The following GNAL variants were observed in gnomAD, a reference collection of about 807,000 sequenced individuals.
GNAL encodes guanine nucleotide-binding protein G(olf) subunit alpha.
A neutral mutation model predicts 55.1 loss-of-function variants in GNAL; 18 were observed. That is an observed-to-expected ratio of 0.33 (90% CI 0.23 to 0.48). The LOEUF is 0.48. Ranked by LOEUF, GNAL falls within the 20% of genes least tolerant of loss-of-function variation. The probability of loss-of-function intolerance (pLI) is 0.99; values close to 1 mark genes in which losing one functional copy is unlikely to be tolerated. For missense variants in GNAL, 412 were observed against 614.1 expected (o/e 0.67, Z 3.48); for synonymous variants, 253 against 237.0 (o/e 1.07, Z -0.62).
chr18:11,839,108 T>A (rs2035558020), intron 5 of GNAL, among the ~76,000 whole-genome samples: 1 of 152,216 alleles, frequency 6.6e-6, no homozygotes, highest in African/African-American at 2.4e-5. Context: ...TGACATGAAA[T>A]TATTGTGTAC....
At chr18:11,770,911 T>C (rs1262998126) in intron 4 of GNAL, among the ~76,000 whole-genome samples, 1 of 152,114 alleles carries the variant, frequency 6.6e-6, no homozygotes, top group Non-Finnish European at 1.5e-5. Context: ...CTTGAAAGAA[T>C]TAAGCCAATA....
chr18:11,805,474 C>T (rs1056333404), intron 4 of GNAL, among the ~76,000 whole-genome samples: 1 of 151,984 alleles, frequency 6.6e-6, no homozygotes, highest in African/African-American at 2.4e-5. Flanking sequence ...GTACGTTGTA[C>T]CCATTAAGTA....
intron 4 of GNAL, among the ~76,000 whole-genome samples, chr18:11,801,494 A>G (rs949443909): frequency 3.3e-5 from 5 of 152,168 alleles, no homozygotes; most frequent in African/African-American, 2.4e-5. Context: ...CGGACCTTAC[A>G]GGTCATTGTA....
intron 1 of GNAL, among the ~76,000 whole-genome samples, chr18:11,714,531 G>A (rs2031909093): frequency 6.6e-6 from 1 of 152,204 alleles, no homozygotes; most frequent in South Asian, 2.1e-4. Flanking sequence ...AGTAAATGTA[G>A]AGTAGAGGAA....
intron 11 of GNAL, among the ~76,000 whole-genome samples, chr18:11,878,379 A>C (rs1250477219): frequency 6.6e-6 from 1 of 152,112 alleles, no homozygotes; most frequent in Non-Finnish European, 1.5e-5. Context: ...TGAGCCTAGG[A>C]ATTTGAGGTG....
At chr18:11,807,666 G>A (rs1004816728) in intron 4 of GNAL, among the ~76,000 whole-genome samples, 5 of 152,134 alleles carry the variant, frequency 3.3e-5, no homozygotes, top group Non-Finnish European at 5.9e-5. Context: ...TCAGAGGAGA[G>A]GCCTAAGCTG....
At chr18:11,797,046 G>A (rs543861127) in intron 4 of GNAL, among the ~76,000 whole-genome samples, 16 of 152,022 alleles carry the variant, frequency 1.1e-4, no homozygotes, top group African/African-American at 3.6e-4. Context: ...CCTCTGCCAC[G>A]CGGGCTCAAG....
At chr18:11,841,823 G>A (rs2143736155) in intron 5 of GNAL, among the ~76,000 whole-genome samples, 1 of 152,114 alleles carries the variant, frequency 6.6e-6, no homozygotes, top group African/African-American at 2.4e-5. Context: ...AATGCATCAG[G>A]TTTGCATAGG....
chr18:11,841,063 G>A (rs927809787), intron 5 of GNAL, among the ~76,000 whole-genome samples: 4 of 151,596 alleles, frequency 2.6e-5, no homozygotes, highest in Non-Finnish European at 5.9e-5. Flanking sequence ...TAGTAGAGAC[G>A]AGGTTTCGCC....
chr18:11,790,661 C>CTTTTTTTT (rs397941591), intron 4 of GNAL, among the ~76,000 whole-genome samples: 1 of 71,450 alleles, frequency 1.4e-5, no homozygotes, highest in Admixed American at 2.2e-4. Context: ...CTTTTTTTTT[C>CTTTTTTTT]TTTTTTTTTT....
At chr18:11,830,341 C>T (rs898634243) in intron 5 of GNAL, among the ~76,000 whole-genome samples, 23 of 128,956 alleles carry the variant, frequency 1.8e-4, no homozygotes, top group African/African-American at 6.5e-4. Context: ...GGCTGGAGTG[C>T]AATGGCACGA....
At chr18:11,770,633 T>A (rs184870183) in intron 4 of GNAL, among the ~76,000 whole-genome samples, 75 of 152,290 alleles carry the variant, frequency 4.9e-4, no homozygotes, top group South Asian at 2.3e-3. Flanking sequence ...GCATTTTTTT[T>A]AATCCACAGG....
At chr18:11,783,290 C>CGTCA (rs2033970256) in intron 4 of GNAL, among the ~76,000 whole-genome samples, 1 of 152,202 alleles carries the variant, frequency 6.6e-6, no homozygotes, top group East Asian at 1.9e-4. Context: ...CCTCTGTGTG[C>CGTCA]GTCAGCTTGT....
intron 5 of GNAL, among the ~76,000 whole-genome samples, chr18:11,841,978 T>TC: frequency 6.6e-6 from 1 of 151,978 alleles, no homozygotes; most frequent in East Asian, 1.9e-4. Context: ...AGTTCAGATT[T>TC]TTTTTTTTTT....
rs867424168 is a variant in GNAL, at chr18:11,690,001, G to A, written c.376+62G>A. 385 of 1,005,906 alleles carry A rather than the reference G, an allele frequency of 3.8e-4. 4 individuals are homozygous for A. The South Asian group carries it at 9.6e-3, about 25-fold the overall frequency. 62.3% of individuals were successfully genotyped at this position (1,005,906 alleles called of 1,614,324 possible). ...GACAGCGCGCCGGGCCCGCGGGGGC[G>A]GCGGGCACCGGGGAGCGGTGGCGGG... On this transcript the variant is annotated intron_variant, in intron 1 of 11. Transcript: ENST00000334049.
chr18:11,803,594 A>G (rs1023874279), intron 4 of GNAL, among the ~76,000 whole-genome samples: 2 of 152,222 alleles, frequency 1.3e-5, no homozygotes, highest in Middle Eastern at 3.2e-3. Context: ...GAACATGGAG[A>G]TATTGTGTAG....
chr18:11,760,926 T>C (rs1369567198), intron 4 of GNAL, among the ~76,000 whole-genome samples: 1 of 152,218 alleles, frequency 6.6e-6, no homozygotes, highest in Non-Finnish European at 1.5e-5. Flanking sequence ...TGGCAACACC[T>C]ACTTCCTGTG....
At chr18:11,773,086 A>G (rs1465124045) in intron 4 of GNAL, among the ~76,000 whole-genome samples, 1 of 152,048 alleles carries the variant, frequency 6.6e-6, no homozygotes, top group Non-Finnish European at 1.5e-5. Context: ...TGCCACCATC[A>G]TCTCTACTGG....
intron 4 of GNAL, among the ~76,000 whole-genome samples, chr18:11,766,465 C>G (rs2033409124): frequency 6.6e-6 from 1 of 152,288 alleles, no homozygotes. Context: ...AGAGGCTGCT[C>G]CTGCCCAGCA....
Sources: gnomAD v4.1 joint callset for allele counts (sites outside exome capture counted in the v4.1 genomes callset) on GRCh38, gnomAD v4.1.1 for gene constraint, MANE v1.5 for transcripts, NCBI Gene and HGNC (gene_info 2026-07-23, HGNC 2026-07-21) for gene names.